Variants in PVALB observed in about 807,000 individuals in gnomAD.
PVALB encodes parvalbumin, also known as parvalbumin alpha.
In PVALB, 11 loss-of-function variants were observed where a neutral mutation model predicts 10.9. That is an observed-to-expected ratio of 1.01 (90% CI 0.63 to 1.67). The LOEUF (loss-of-function observed/expected upper bound fraction) is 1.67, where lower values mean the gene tolerates loss of function less well. Ranked by LOEUF, PVALB falls within the 40% of genes most tolerant of loss-of-function variation. PVALB has a pLI of 0.00. For missense variants in PVALB, 131 were observed against 136.2 expected, an observed-to-expected ratio of 0.96 and a Z score of 0.19; for synonymous variants, 57 against 50.7, an observed-to-expected ratio of 1.12 and a Z score of -0.53.
upstream of PVALB, chr22:36,817,566 A>C (rs921889181): frequency 2.6e-5 from 4 of 152,984 alleles, no homozygotes; most frequent in African/African-American, 9.7e-5. Flanking sequence ...CTGAGCGCTG[A>C]GGTCCTGAAA....
rs1280603857 is a variant in PVALB, at chr22:36,813,720, T to A, written c.230A>T (p.Asp77Val). Reference sequence around the variant, plus strand: ...CATCTTGGTTTCTTTAGCAGACAGGTCTCTGGCATCTGGGGAGAAGCCTTT... The same window carrying A: ...CATCTTGGTTTCTTTAGCAGACAGGACTCTGGCATCTGGGGAGAAGCCTTT... ...ILKGFSPDARDLSAKETKMLM... is the reference protein window; with the variant it reads ...ILKGFSPDARVLSAKETKMLM... Residue 77 changes from aspartate (D) to valine (V), a missense_variant, in exon 3 of 4, where the codon GAC (aspartate) becomes GTC (valine). Coordinates refer to ENST00000417718, the MANE Select transcript of PVALB (RefSeq NM_001315532.2). 1 of 1,613,874 alleles carries A rather than the reference T, an allele frequency of 6.2e-7. No individual in the cohort carries two copies. The highest frequency in any genetic ancestry group is 1.6e-4 in the Middle Eastern group (1 of 6,062).
intron 3 of PVALB, among the ~76,000 whole-genome samples, chr22:36,806,783 C>T (rs1034174148): frequency 2.0e-5 from 3 of 152,112 alleles, no homozygotes; most frequent in East Asian, 3.9e-4. Flanking sequence ...ATTTCATCCT[C>T]GTCGGCTCTC....
chr22:36,813,771 G>A lies in PVALB; in HGVS notation c.195-16C>T, dbSNP rs747749635. 1 of 1,594,124 alleles carries A rather than the reference G, an allele frequency of 6.3e-7. No individual in the cohort carries two copies. On this transcript the variant is annotated splice_polypyrimidine_tract_variant and intron_variant, in intron 2 of 3. Transcript: ENST00000417718. ...TAGGATGAATCTGGAGGAGAAAAGG[G>A]AGAAAGCCGGTGAGGGAGTCAGGCC...
At chr22:36,819,219 G>T (rs966217806), upstream of PVALB, among the ~76,000 whole-genome samples, 2 of 152,108 alleles carry the variant, frequency 1.3e-5, no homozygotes, top group African/African-American at 2.4e-5. Flanking sequence ...GGCGGTGGGT[G>T]GGGGGAGTTT....
chr22:36,801,068 T>C, intron 3 of PVALB, 150 bp from the exon 4 acceptor site: 2 of 695,162 alleles, frequency 2.9e-6, no homozygotes, highest in East Asian at 2.7e-5. Context: ...AATGAATGAA[T>C]GAATAAATGA....
At chr22:36,809,926 C>T (rs1164738914) in intron 3 of PVALB, among the ~76,000 whole-genome samples, 1 of 145,658 alleles carries the variant, frequency 6.9e-6, no homozygotes, top group Non-Finnish European at 1.5e-5. Flanking sequence ...GCTCTGCTGT[C>T]CAGGCTGGAG....
At chr22:36,805,153 A>G (rs1331086459) in intron 3 of PVALB, among the ~76,000 whole-genome samples, 1 of 152,042 alleles carries the variant, frequency 6.6e-6, no homozygotes, top group African/African-American at 2.4e-5. Context: ...GGTCTAGAAG[A>G]CGCCTTTCCA....
chr22:36,803,513 G>A (rs1313190176), intron 3 of PVALB, among the ~76,000 whole-genome samples: 4 of 151,808 alleles, frequency 2.6e-5, no homozygotes, highest in Non-Finnish European at 5.9e-5. Context: ...GATGGATGGA[G>A]GGATGGATGG....
rs1938848653 is a variant in PVALB, at chr22:36,800,747, A to G, written c.*143T>C. The G allele has an allele frequency of 1.1e-6, 1 of 893,372 alleles. No homozygotes were observed. Among genetic ancestry groups the G allele is most frequent in the African/African-American group, 1.6e-5 (1 of 60,916 alleles). The allele number at this position is 893,372 out of a possible 1,614,324, so 55.3% of individuals were successfully genotyped here. A position where few individuals can be genotyped will look rare whatever the true frequency, so the allele number is the denominator to read the frequency against. ...TGCTTCTCCAGCATTTTCCAGAAGA[A>G]TGGTGTCATTAGAGGGCCACAGGGG... On this transcript the variant is annotated 3_prime_UTR_variant, in exon 4 of 4. Coordinates refer to ENST00000417718, the MANE Select transcript of PVALB (RefSeq NM_001315532.2).
In PVALB at chr22:36,800,937, A is replaced by C. The variant is rs891501727; in HGVS notation, c.305-19T>G. ...GAGAATTCTGCAGAACAAAATGACA[A>C]GGAAAGTGAGTCAGAGGCGGGGATG... is the stretch of plus-strand genomic sequence containing the variant. On this transcript the variant is annotated intron_variant, in intron 3 of 3. Coordinates refer to ENST00000417718, the MANE Select transcript of PVALB (RefSeq NM_001315532.2). 6.2e-7 allele frequency: 1 copy of C among 1,606,048 alleles called. No individual in the cohort carries two copies. Among genetic ancestry groups the C allele is most frequent in the African/African-American group, 1.3e-5 (1 of 74,874 alleles).
intron 3 of PVALB, among the ~76,000 whole-genome samples, chr22:36,812,223 C>T (rs1284974568): frequency 6.6e-6 from 1 of 152,140 alleles, no homozygotes; most frequent in African/African-American, 2.4e-5. Context: ...AAGGTCACAG[C>T]TGGCAAGGGG....
rs192718308 is a variant in PVALB at position 36,806,988 on chromosome 22, T to C, written c.305-6070A>G. Among the ~76,000 whole-genome samples the C allele has an allele frequency of 2.4e-3, 372 of 152,244 alleles. 2 individuals carry two copies. The highest frequency in any genetic ancestry group is 4.0e-3 in the Non-Finnish European group (271 of 68,012). On this transcript the variant is annotated intron_variant, in intron 3 of 3. Coordinates refer to ENST00000417718, the MANE Select transcript of PVALB (RefSeq NM_001315532.2). ...GGATGCATGGAGGGGAATGTCTTTT[T>C]CCACCAAGCAGCTGCTCCCTTTCAC...
intron 1 of PVALB, among the ~76,000 whole-genome samples, chr22:36,816,610 G>A (rs781756479): frequency 2.6e-5 from 4 of 152,226 alleles, no homozygotes; most frequent in Non-Finnish European, 5.9e-5. Flanking sequence ...CGTCCAGAGA[G>A]CTCGTACAAG....
chr22:36,802,081 G>A (rs1308839485), intron 3 of PVALB, among the ~76,000 whole-genome samples: 1 of 152,068 alleles, frequency 6.6e-6, no homozygotes, highest in Admixed American at 6.6e-5. Flanking sequence ...GTCCTCCCTG[G>A]ACTTTGTGTG....
At chr22:36,812,554 T>G (rs1357504517) in intron 3 of PVALB, among the ~76,000 whole-genome samples, 1 of 152,220 alleles carries the variant, frequency 6.6e-6, no homozygotes, top group Non-Finnish European at 1.5e-5. Flanking sequence ...GTAATCACCC[T>G]GTAAGAATTA....
rs144643096 is a variant in PVALB at position 36,806,170 on chromosome 22, G to T, written c.305-5252C>A. Among the ~76,000 whole-genome samples the T allele has an allele frequency of 4.1e-4, 62 of 152,268 alleles. 1 individual carries two copies. Among genetic ancestry groups the T allele is most frequent in the African/African-American group, 1.5e-3 (61 of 41,534 alleles). The stretch of plus-strand genomic sequence containing the variant: ...TAGAAGAGACAGTCTTCCTTTGGAG[G>T]TATCCAGAATGGTCATTCTCTTCTA... On this transcript the variant is annotated intron_variant, in intron 3 of 3. Transcript: ENST00000417718.
chr22:36,808,813 C>T (rs1939002932), intron 3 of PVALB, among the ~76,000 whole-genome samples: 1 of 152,172 alleles, frequency 6.6e-6, no homozygotes, highest in Admixed American at 6.5e-5. Context: ...ACTGCAGGTG[C>T]TTTAACAAAG....
chr22:36,813,129 G>C (rs1174197044), intron 3 of PVALB, among the ~76,000 whole-genome samples: 1 of 152,204 alleles, frequency 6.6e-6, no homozygotes, highest in Admixed American at 6.5e-5. Flanking sequence ...AACAGGTTTT[G>C]AGACTTGGGG....
At chr22:36,802,257 T>G (rs996593734) in intron 3 of PVALB, among the ~76,000 whole-genome samples, 3 of 151,892 alleles carry the variant, frequency 2.0e-5, no homozygotes, top group Non-Finnish European at 2.9e-5. Flanking sequence ...AATAAAAAAG[T>G]GAAAACACAC....
Sources: gnomAD v4.1 joint callset for allele counts (sites outside exome capture counted in the v4.1 genomes callset) on GRCh38, gnomAD v4.1.1 for gene constraint, MANE v1.5 for transcripts, NCBI Gene and HGNC (gene_info 2026-07-23, HGNC 2026-07-21) for gene names.